Variants in MYO1E observed in about 807,000 individuals in gnomAD.
The protein encoded by MYO1E is myosin IE.
Under a neutral mutation model 151.1 loss-of-function variants are expected in MYO1E, and 68 were observed. The ratio of observed to expected loss-of-function variants is 0.45; its 90% CI spans 0.37 to 0.55. The LOEUF (loss-of-function observed/expected upper bound fraction) is 0.55, where lower values mean the gene tolerates loss of function less well. MYO1E is among the 20% of genes least tolerant of loss of function. The pLI is 0.00. For synonymous variants in MYO1E, 601 were observed against 501.7 expected (o/e 1.20, Z -2.64); for missense variants, 1,363 against 1,389.3 (o/e 0.98, Z 0.30).
chr15:59,284,779 T>C (rs759793900), intron 1 of MYO1E, among the ~76,000 whole-genome samples: 2 of 151,964 alleles, frequency 1.3e-5, no homozygotes, highest in African/African-American at 4.8e-5. Context: ...CCAGCCTGGA[T>C]GATTAACTTT....
chr15:59,214,472 T>A (rs1341944137), intron 11 of MYO1E, among the ~76,000 whole-genome samples, 158 bp from the exon 12 acceptor site: 1 of 152,240 alleles, frequency 6.6e-6, no homozygotes, highest in African/African-American at 2.4e-5. Flanking sequence ...ACTAATTTGG[T>A]AAAGGCACAT....
At chr15:59,307,653 C>G (rs1395867730) in intron 1 of MYO1E, among the ~76,000 whole-genome samples, 1 of 151,960 alleles carries the variant, frequency 6.6e-6, no homozygotes, top group African/African-American at 2.4e-5. Context: ...TCTTGTTGCC[C>G]AGGCTGGAGT....
At chr15:59,226,831 A>G (rs1365033043) in intron 7 of MYO1E, among the ~76,000 whole-genome samples, 5 of 152,228 alleles carry the variant, frequency 3.3e-5, no homozygotes, top group Non-Finnish European at 7.3e-5. Context: ...ATAAAATAAA[A>G]GTAGCTGACT....
intron 2 of MYO1E, among the ~76,000 whole-genome samples, chr15:59,263,177 C>T (rs114570787): frequency 0.019 from 2,921 of 152,200 alleles, 99 homozygotes; most frequent in African/African-American, 0.068. Flanking sequence ...ATGAGATTTC[C>T]TCCCACAGGA....
chr15:59,359,161 G>C (rs1299911664), intron 1 of MYO1E, among the ~76,000 whole-genome samples: 1 of 151,842 alleles, frequency 6.6e-6, no homozygotes, highest in Non-Finnish European at 1.5e-5. Flanking sequence ...CACAGTAGCT[G>C]TCACCTATAA....
At position 59,176,846 on chromosome 15, in the gene MYO1E, G is replaced by A. The variant is rs139084330; in HGVS notation, c.2049+1547C>T. 3.2e-4 allele frequency among the ~76,000 whole-genome samples: 48 copies of A among 152,282 alleles called. 1 individual carries two copies. In the East Asian group the frequency reaches 8.7e-3, roughly 27 times the overall value. Reference sequence around the variant, plus strand: ...TTGGGGCAGGGGAGAGAGCGGAGGTGATGGTGTGCGTGTGTGAGTGCATGT... The same window carrying A: ...TTGGGGCAGGGGAGAGAGCGGAGGTAATGGTGTGCGTGTGTGAGTGCATGT... On this transcript the variant is annotated intron_variant, in intron 19 of 27. Transcript: ENST00000288235.
rs529842525 is a variant in MYO1E, at chr15:59,173,971, G to A, written c.2165-56C>T. 1.3e-5 allele frequency: 21 copies of A among 1,578,824 alleles called. No individual in the cohort carries two copies. The South Asian group carries it at 1.6e-4, about 12-fold the overall frequency. Reference sequence around the variant, plus strand: ...AAGGATAAGTCAGTCAGAAAAGGGAGGAAAATACTGTGGAAATATACAAAG... The same window carrying A: ...AAGGATAAGTCAGTCAGAAAAGGGAAGAAAATACTGTGGAAATATACAAAG... On this transcript the variant is annotated intron_variant, in intron 20 of 27. Transcript: ENST00000288235.
chr15:59,205,443 C>A lies in MYO1E; in HGVS notation c.1573G>T (p.Val525Leu). The A allele has an allele frequency of 6.2e-7, 1 of 1,614,218 alleles. No individual in the cohort carries two copies. Among genetic ancestry groups the A allele is most frequent in the Non-Finnish European group, 8.5e-7 (1 of 1,180,046 alleles). ...MDGFCERNRDVLFMDLIELMQ... is the reference protein window; with the variant it reads ...MDGFCERNRDLLFMDLIELMQ... ...AGCTCGATGAGATCCATAAAAAGCA[C>A]ATCCCGGTTCCTTTCACAAAAGCCA... The change falls in exon 15 of 28, where the codon GTG becomes TTG. Residue 525 changes from valine to leucine, a missense_variant. Physicochemically the swap from Val to Leu is conservative, Grantham distance 32. Transcript: ENST00000288235.
intron 12 of MYO1E, among the ~76,000 whole-genome samples, chr15:59,213,510 G>A (rs143366009): frequency 6.6e-6 from 1 of 151,804 alleles, no homozygotes; most frequent in African/African-American, 2.4e-5. Flanking sequence ...CTGTTGCCTA[G>A]GATGGAGTGC....
chr15:59,180,251 C>T (rs1206838921), intron 18 of MYO1E, among the ~76,000 whole-genome samples: 1 of 152,130 alleles, frequency 6.6e-6, no homozygotes, highest in Non-Finnish European at 1.5e-5. Flanking sequence ...TTAATTAAAA[C>T]AAATTAAGCT....
chr15:59,295,572 G>A (rs1005392441), intron 1 of MYO1E, among the ~76,000 whole-genome samples: 7 of 152,210 alleles, frequency 4.6e-5, no homozygotes, highest in Non-Finnish European at 8.8e-5. Context: ...GAGGGAAAGG[G>A]ACCAACTACT....
Position 59,159,205 on chromosome 15 carries a change from C to T in MYO1E, c.2786-826G>A, listed in dbSNP as rs994327805. Among the ~76,000 whole-genome samples the T allele has an allele frequency of 8.5e-5, 13 of 152,218 alleles. No homozygotes were observed. The highest frequency in any genetic ancestry group is 4.6e-4 in the Admixed American group (7 of 15,290). On this transcript the variant is annotated intron_variant, in intron 24 of 27. Coordinates refer to ENST00000288235, the MANE Select transcript of MYO1E (RefSeq NM_004998.4). The surrounding 1 kb of genome is among the most constrained non-coding windows in gnomAD (Gnocchi z 4.4). Reference sequence around the variant, plus strand: ...CTCTAGGGCCTGGGAGAACCGACCACGTGGGATCGGGGCAAACCCAGTGTG... The same window carrying T: ...CTCTAGGGCCTGGGAGAACCGACCATGTGGGATCGGGGCAAACCCAGTGTG...
Position 59,153,805 on chromosome 15 carries a change from C to T in MYO1E, c.2879-14G>A, listed in dbSNP as rs780943562. 8 of 1,608,196 alleles carry T rather than the reference C, an allele frequency of 5.0e-6. No homozygotes were observed. Among genetic ancestry groups the T allele is most frequent in the African/African-American group, 1.3e-5 (1 of 74,886 alleles). On this transcript the variant is annotated splice_polypyrimidine_tract_variant and intron_variant, in intron 25 of 27. Transcript: ENST00000288235. ...TCTGATGGTATCCTAGAGAGAGGAA[C>T]AGAGAAGGAAATAAGGCTCAGATTT... is the stretch of plus-strand genomic sequence containing the variant.
intron 12 of MYO1E, among the ~76,000 whole-genome samples, chr15:59,212,488 A>G (rs2079885406): frequency 6.6e-6 from 1 of 152,080 alleles, no homozygotes; most frequent in Non-Finnish European, 1.5e-5. Context: ...CCCAAATTTC[A>G]CATCCACCTG....
At chr15:59,212,393 G>A (rs575506348) in intron 12 of MYO1E, among the ~76,000 whole-genome samples, 1 of 152,158 alleles carries the variant, frequency 6.6e-6, no homozygotes, top group South Asian at 2.1e-4. Flanking sequence ...CTGGTATGGT[G>A]TTTCCTAAGC....
intron 1 of MYO1E, among the ~76,000 whole-genome samples, chr15:59,347,060 A>G (rs2080798143): frequency 6.6e-6 from 1 of 152,228 alleles, no homozygotes; most frequent in Non-Finnish European, 1.5e-5. Flanking sequence ...TCACCTTCTC[A>G]AAGTGCTCTA....
intron 14 of MYO1E, among the ~76,000 whole-genome samples, chr15:59,206,091 T>C (rs1297444904): frequency 6.6e-6 from 1 of 152,106 alleles, no homozygotes; most frequent in East Asian, 1.9e-4. Context: ...CTTAACTTTT[T>C]TATCATCAGC....
Position 59,372,741 on chromosome 15 carries a change from CAA to C in MYO1E, c.-243_-242del. On this transcript the variant is annotated 5_prime_UTR_variant, in exon 1 of 28. Transcript: ENST00000288235. ...CAGGCGGGGCGCATGCTGCGGAGGG[CAA>C]GAGTCCACTCGTACTCGCCGGTCGC... The C allele has an allele frequency of 1.8e-6, 1 of 563,510 alleles. No individual in the cohort carries two copies. Among genetic ancestry groups the C allele is most frequent in the South Asian group, 2.2e-5 (1 of 45,482 alleles). The allele number at this position is 563,510 out of a possible 1,614,324, so 34.9% of individuals were successfully genotyped here. A position where few individuals can be genotyped will look rare whatever the true frequency, so the allele number is the denominator to read the frequency against.
intron 1 of MYO1E, among the ~76,000 whole-genome samples, chr15:59,279,186 G>T (rs890569728): frequency 6.6e-6 from 1 of 152,066 alleles, no homozygotes; most frequent in Admixed American, 6.6e-5. Flanking sequence ...CGATACCAAA[G>T]CTCACTTCCA....
Sources: allele counts gnomAD v4.1 joint callset (sites outside exome capture counted in the v4.1 genomes callset), GRCh38; gene constraint gnomAD v4.1.1; non-coding constraint Gnocchi (gnomAD v3.1); transcripts MANE v1.5; gene names NCBI Gene and HGNC (gene_info 2026-07-23, HGNC 2026-07-21).